BRF1: variants seen among roughly 807,000 people sequenced by gnomAD.
The protein encoded by BRF1 is BRF1 general transcription factor IIIB subunit.
A neutral mutation model predicts 81.7 loss-of-function variants in BRF1; 59 were observed. That is an observed-to-expected ratio of 0.72 (90% CI 0.59 to 0.90). The LOEUF is 0.90. BRF1 is among the 40% of genes least tolerant of loss of function. BRF1 has a pLI of 0.00. For synonymous variants in BRF1, 491 were observed against 395.6 expected, an observed-to-expected ratio of 1.24 and a Z score of -2.86; for missense variants, 1,050 against 936.3, an observed-to-expected ratio of 1.12 and a Z score of -1.58.
At chr14:105,279,120 G>T (rs970122951) in intron 2 of BRF1, among the ~76,000 whole-genome samples, 2 of 152,010 alleles carry the variant, frequency 1.3e-5, no homozygotes, top group Admixed American at 6.6e-5. Flanking sequence ...GAAGTGAGAG[G>T]GCGGCTTTAG....
chr14:105,210,473 C>G lies in BRF1; in HGVS notation c.*78G>C. 4 of 1,543,850 alleles carry G rather than the reference C, an allele frequency of 2.6e-6. No homozygotes were observed. Among genetic ancestry groups the G allele is most frequent in the African/African-American group, 1.4e-5 (1 of 73,588 alleles). On this transcript the variant is annotated 3_prime_UTR_variant, in exon 18 of 18. Transcript: ENST00000547530. The surrounding 1 kb of genome is among the most constrained non-coding windows in gnomAD (Gnocchi z 4.7). ...TCTCGGCGCTGGGGCCTGCCTGCTG[C>G]GGTCCTGGAAGCCCGTCTGATGCTG...
At chr14:105,286,852 C>T (rs745689577) in intron 1 of BRF1, among the ~76,000 whole-genome samples, 3 of 152,304 alleles carry the variant, frequency 2.0e-5, no homozygotes, top group Non-Finnish European at 4.4e-5. Context: ...AAATGGCTGC[C>T]GGGCGAGAAC....
chr14:105,272,764 A>C lies in BRF1; in HGVS notation c.396T>G (p.Ile132Met). Residue 132 changes from isoleucine (I) to methionine (M), a missense_variant, in exon 3 of 18, where the codon ATT becomes ATG. Around this residue, in one of 2 missense-constraint regions of BRF1, gnomAD observed 1,043 missense variants for 915.4 expected, o/e 1.14. Transcript: ENST00000547530. The part of the protein sequence containing the change: ...LTRGRKMAHV[I>M]AACLYLVCRT... ...GGCAGACCAGGTAGAGGCAGGCAGC[A>C]ATCACGTGGGCCATCTTCCGGCCGC... 6.2e-7 allele frequency: 1 copy of C among 1,613,874 alleles called. No individual in the cohort carries two copies. The highest frequency in any genetic ancestry group is 1.1e-5 in the South Asian group (1 of 91,068).
rs587700795 is a variant in BRF1 at position 105,215,641 on chromosome 14, GAC to G, written c.1772+1901_1772+1902del. On this transcript the variant is annotated intron_variant, in intron 15 of 17. Transcript: ENST00000547530. ...CAGGCACACACACACTGCATACACA[GAC>G]ACAGGCACACACACACTGCATACAC... 2.4e-3 allele frequency among the ~76,000 whole-genome samples: 319 copies of G among 135,064 alleles called. 2 individuals carry two copies. Among genetic ancestry groups the G allele is most frequent in the African/African-American group, 8.1e-3 (285 of 35,070 alleles). The allele number at this position is 135,064 out of a possible 152,430, so 88.6% of individuals were successfully genotyped here.
At chr14:105,229,609 A>G (rs587667777) in intron 6 of BRF1, among the ~76,000 whole-genome samples, 2 of 152,356 alleles carry the variant, frequency 1.3e-5, no homozygotes, top group East Asian at 1.9e-4. Flanking sequence ...GGGGGGTCAC[A>G]GAGGTCCAAC....
intron 6 of BRF1, among the ~76,000 whole-genome samples, chr14:105,241,055 T>C (rs1037934104): frequency 2.0e-5 from 3 of 152,206 alleles, no homozygotes; most frequent in Non-Finnish European, 4.4e-5. Context: ...CTGCCCCTTA[T>C]GCCAGGACAC....
chr14:105,242,757 A>G (rs887737108), intron 5 of BRF1, among the ~76,000 whole-genome samples: 1 of 151,080 alleles, frequency 6.6e-6, no homozygotes, highest in Non-Finnish European at 1.5e-5. Flanking sequence ...AAAAAAAAAA[A>G]AAAAAAAGAT....
chr14:105,250,297 G>A (rs1282642589), intron 5 of BRF1: 1 of 1,613,248 alleles, frequency 6.2e-7, no homozygotes, highest in Middle Eastern at 1.6e-4. Context: ...ACAGCATCCA[G>A]TTTGCAGTGG....
intron 1 of BRF1, among the ~76,000 whole-genome samples, chr14:105,286,757 C>A (rs147369243): frequency 1.3e-5 from 2 of 152,338 alleles, no homozygotes; most frequent in African/African-American, 4.8e-5. Context: ...AGGTGCCCGC[C>A]ACCACGCCCG....
chr14:105,250,646 A>G, intron 5 of BRF1: 1 of 1,610,780 alleles, frequency 6.2e-7, no homozygotes, highest in Non-Finnish European at 8.5e-7. Flanking sequence ...GGGTGGGCAG[A>G]TCCCTGAGCT....
Position 105,228,827 on chromosome 14 carries a change from G to T in BRF1, c.781C>A (p.Arg261=), listed in dbSNP as rs781426397. Reference sequence around the variant, plus strand: ...TGAATGAGAGCCCCTCACCTCTTCCGCAGCGTGGACTCACACACTTTGACC... The same window carrying T: ...TGAATGAGAGCCCCTCACCTCTTCCTCAGCGTGGACTCACACACTTTGACC... ...SVVKVCESTL[R]KRLTEFEDTP... is the part of the protein sequence containing the mutation. The change falls in exon 7 of 18, where the codon CGG becomes AGG. Residue 261 remains arginine (R), a synonymous_variant. Coordinates refer to ENST00000547530, the MANE Select transcript of BRF1 (RefSeq NM_001519.4). 6.2e-7 allele frequency: 1 copy of T among 1,613,674 alleles called. No homozygotes were observed.
Position 105,219,152 on chromosome 14 carries a change from C to G in BRF1, c.1458G>C (p.Arg486Ser). 6.2e-7 allele frequency: 1 copy of G among 1,612,398 alleles called. No homozygotes were observed. Among genetic ancestry groups the G allele is most frequent in the Non-Finnish European group, 8.5e-7 (1 of 1,178,672 alleles). The change falls in exon 13 of 18, where the codon AGG becomes AGC. Residue 486 changes from arginine (R) to serine (S), a missense_variant and splice_region_variant. By Grantham distance (110) the Arg-to-Ser change is moderately radical. Coordinates refer to ENST00000547530, the MANE Select transcript of BRF1 (RefSeq NM_001519.4). ...TGAGTGTGGGCGGGTGGCGCTTACC[C>G]CTCTGTTCCCGCAGGTACTCGGCGT... ...RENAEYLREQ[R>S]EKEARIAKEK...
intron 6 of BRF1, among the ~76,000 whole-genome samples, chr14:105,229,144 T>C (rs922683509): frequency 2.6e-5 from 4 of 152,160 alleles, no homozygotes; most frequent in Non-Finnish European, 5.9e-5. Context: ...TCAAGGAAAA[T>C]TAAAATGAAG....
intron 3 of BRF1, among the ~76,000 whole-genome samples, chr14:105,266,967 T>C (rs1254615626): frequency 6.6e-6 from 1 of 151,820 alleles, no homozygotes; most frequent in East Asian, 1.9e-4. Flanking sequence ...CGCTTGAGCC[T>C]GGGAGGCAGA....
chr14:105,262,197 A>G (rs1406761147), intron 3 of BRF1, among the ~76,000 whole-genome samples: 1 of 151,926 alleles, frequency 6.6e-6, no homozygotes, highest in Non-Finnish European at 1.5e-5. Flanking sequence ...GGGGTCACTC[A>G]CCCCAGAGCT....
At chr14:105,304,779 TG>T (rs1566882853), upstream of BRF1, among the ~76,000 whole-genome samples, 1 of 152,220 alleles carries the variant, frequency 6.6e-6, no homozygotes, top group African/African-American at 2.4e-5. Flanking sequence ...ACGTCTTACG[TG>T]GATGGCAGCA....
chr14:105,264,123 T>C (rs940910739), intron 3 of BRF1, among the ~76,000 whole-genome samples: 28 of 152,284 alleles, frequency 1.8e-4, no homozygotes, highest in Middle Eastern at 3.4e-3. Context: ...ATTTGGCTTA[T>C]CAATGACTTT....
intron 5 of BRF1, among the ~76,000 whole-genome samples, chr14:105,243,907 G>A (rs2054895371): frequency 1.3e-5 from 2 of 151,950 alleles, no homozygotes; most frequent in South Asian, 4.2e-4. Context: ...GCTGAAACAG[G>A]AGAATTTGCT....
chr14:105,214,576 G>A (rs1890759451), intron 15 of BRF1, among the ~76,000 whole-genome samples: 1 of 150,000 alleles, frequency 6.7e-6, no homozygotes, highest in African/African-American at 2.4e-5. Context: ...TTCTGCAGTT[G>A]TCTGTCATCA....
Sources: allele counts gnomAD v4.1 joint callset (sites outside exome capture counted in the v4.1 genomes callset), GRCh38; gene constraint gnomAD v4.1.1; regional missense constraint gnomAD v4.1.1; non-coding constraint Gnocchi (gnomAD v3.1); transcripts MANE v1.5; gene names NCBI Gene and HGNC (gene_info 2026-07-23, HGNC 2026-07-21).